DENND4C: variants seen among roughly 807,000 people sequenced by gnomAD.
The protein encoded by DENND4C is DENN domain containing 4C.
Under a neutral mutation model 203.0 loss-of-function variants are expected in DENND4C, and 108 were observed. The ratio of observed to expected loss-of-function variants is 0.53; its 90% confidence interval spans 0.46 to 0.62. The LOEUF is 0.62. Among genes scored for constraint, DENND4C ranks in the 20% least tolerant of loss-of-function variants. The probability of loss-of-function intolerance (pLI) is 0.00; values close to 1 mark genes in which losing one functional copy is unlikely to be tolerated. For missense variants in DENND4C, 2,481 were observed against 2,301.2 expected, an observed-to-expected ratio of 1.08 and a Z score of -1.60; for synonymous variants, 871 against 792.4, an observed-to-expected ratio of 1.10 and a Z score of -1.67.
At chr9:19,364,520 C>G (rs903228212) in intron 30 of DENND4C, among the ~76,000 whole-genome samples, 1 of 152,132 alleles carries the variant, frequency 6.6e-6, no homozygotes, top group Non-Finnish European at 1.5e-5. Flanking sequence ...CTATCTAGCA[C>G]CCTGCTCATA....
intron 1 of DENND4C, among the ~76,000 whole-genome samples, chr9:19,255,595 C>T (rs1827735683): frequency 6.6e-6 from 1 of 151,906 alleles, no homozygotes; most frequent in Admixed American, 6.6e-5. Flanking sequence ...TTCATACAGA[C>T]TGGTTTTTAT....
rs560274050 is a variant in DENND4C, at chr9:19,290,125, T to TA, written c.629-577dup. Reference sequence around the variant, plus strand: ...GGCTAATGAACAGATGCCATGTAGCTAATTTATTCTGTGGGTCTTCATTGT... The same window carrying TA: ...GGCTAATGAACAGATGCCATGTAGCTAAATTTATTCTGTGGGTCTTCATTGT... On this transcript the variant is annotated intron_variant, in intron 4 of 32. Transcript: ENST00000434457. Among the ~76,000 whole-genome samples the TA allele has an allele frequency of 3.1e-3, 468 of 152,328 alleles. 2 individuals are homozygous for TA. Among genetic ancestry groups the TA allele is most frequent in the African/African-American group, 0.01 (426 of 41,572 alleles).
intron 16 of DENND4C, 66 bp from the exon 17 acceptor site, chr9:19,331,912 C>T (rs1486432225): frequency 4.2e-6 from 6 of 1,423,700 alleles, no homozygotes; most frequent in East Asian, 2.5e-5. Flanking sequence ...CTCCCTTTTC[C>T]TTCTCACTTC....
At chr9:19,363,897 C>T (rs1827053601) in intron 30 of DENND4C, among the ~76,000 whole-genome samples, 4 of 151,956 alleles carry the variant, frequency 2.6e-5, no homozygotes, top group Admixed American at 2.6e-4. Flanking sequence ...GCCTGTAATC[C>T]CAGCTACTCA....
chr9:19,341,749 G>A (rs1821706337), intron 21 of DENND4C, among the ~76,000 whole-genome samples: 1 of 152,170 alleles, frequency 6.6e-6, no homozygotes, highest in Non-Finnish European at 1.5e-5. Flanking sequence ...TTCTATTTTA[G>A]TGCCCTTTTT....
In DENND4C at chr9:19,328,135, A is replaced by G. The variant is rs759502973; in HGVS notation, c.2226A>G (p.Pro742=). 1.2e-6 allele frequency: 2 copies of G among 1,613,034 alleles called. No individual in the cohort carries two copies. The highest frequency in any genetic ancestry group is 2.2e-5 in the South Asian group (2 of 90,878). ...HPTGNSITKS[P]PLMAKRTKQE... ...CTGGGAATAGCATTACAAAGAGTCC[A>G]CCTCTCATGGCTAAGAGAACTAAAC... The change falls in exon 16 of 33, where the codon CCA becomes CCG. Residue 742 remains proline (P), a synonymous_variant. Coordinates refer to ENST00000434457, the MANE Select transcript of DENND4C (RefSeq NM_001330640.2).
chr9:19,279,808 C>T (rs1049897905), intron 2 of DENND4C, among the ~76,000 whole-genome samples: 4 of 151,922 alleles, frequency 2.6e-5, no homozygotes, highest in African/African-American at 9.7e-5. Context: ...AGCACTCCAG[C>T]GTGGGCAACA....
intron 1 of DENND4C, among the ~76,000 whole-genome samples, chr9:19,270,039 G>A (rs1331430646): frequency 6.6e-6 from 1 of 152,136 alleles, no homozygotes; most frequent in Non-Finnish European, 1.5e-5. Flanking sequence ...GGCCTTAGTG[G>A]TCTTGGGTAA....
intron 1 of DENND4C, among the ~76,000 whole-genome samples, chr9:19,273,267 G>T (rs1017403460): frequency 6.6e-6 from 1 of 151,690 alleles, no homozygotes; most frequent in Admixed American, 6.6e-5. Flanking sequence ...GTATTTTTTA[G>T]TAGAGATGGG....
chr9:19,305,114 A>G (rs1239022991), intron 9 of DENND4C, among the ~76,000 whole-genome samples: 1 of 152,100 alleles, frequency 6.6e-6, no homozygotes, highest in Non-Finnish European at 1.5e-5. Context: ...AACATGCAAA[A>G]AGCTGTTAGT....
At chr9:19,247,503 C>G (rs1825585218) in intron 1 of DENND4C, among the ~76,000 whole-genome samples, 2 of 152,132 alleles carry the variant, frequency 1.3e-5, no homozygotes, top group Admixed American at 6.5e-5. Context: ...TCAAGTAATC[C>G]TCCTGCCTCA....
chr9:19,334,583 T>C (rs1588942902), intron 17 of DENND4C, among the ~76,000 whole-genome samples: 1 of 150,668 alleles, frequency 6.6e-6, no homozygotes, highest in East Asian at 2.0e-4. Flanking sequence ...TGGAGTGCAG[T>C]GGCGTGATCT....
chr9:19,256,349 G>A (rs1379978514), intron 1 of DENND4C, among the ~76,000 whole-genome samples: 1 of 94,814 alleles, frequency 1.1e-5, no homozygotes, highest in African/African-American at 4.3e-5. Flanking sequence ...CGCTCTTGTT[G>A]CCCAGGCTGG....
chr9:19,234,266 T>C (rs907104974), intron 1 of DENND4C, among the ~76,000 whole-genome samples: 2 of 152,046 alleles, frequency 1.3e-5, no homozygotes, highest in African/African-American at 4.8e-5. Flanking sequence ...AGTCTCGCTC[T>C]GTTGCCCAAG....
intron 1 of DENND4C, among the ~76,000 whole-genome samples, chr9:19,271,384 A>G (rs558547543): frequency 3.3e-5 from 5 of 152,074 alleles, no homozygotes; most frequent in African/African-American, 1.2e-4. Flanking sequence ...TATTTTTAGT[A>G]AAGACTGGGT....
At chr9:19,263,564 G>A (rs1829856389) in intron 1 of DENND4C, among the ~76,000 whole-genome samples, 1 of 151,762 alleles carries the variant, frequency 6.6e-6, no homozygotes, top group Admixed American at 6.6e-5. Flanking sequence ...TCACCCTGTT[G>A]GCCAAGCTGG....
chr9:19,340,872 T>C (rs1316467049), intron 20 of DENND4C, 120 bp from the exon 21 acceptor site: 3 of 851,964 alleles, frequency 3.5e-6, no homozygotes, highest in Admixed American at 3.9e-5. Flanking sequence ...TTGTGTGCTT[T>C]CTTGTCTTCC....
intron 2 of DENND4C, among the ~76,000 whole-genome samples, chr9:19,281,026 C>T (rs986922538): frequency 2.0e-5 from 3 of 152,280 alleles, no homozygotes; most frequent in African/African-American, 7.2e-5. Context: ...CAGGAGTGAG[C>T]CACTGTGCCG....
intron 1 of DENND4C, among the ~76,000 whole-genome samples, chr9:19,238,740 G>A (rs1248942241): frequency 2.2e-5 from 3 of 137,866 alleles, no homozygotes; most frequent in South Asian, 2.6e-4. Flanking sequence ...TGCAACCCCC[G>A]TACCCCGGGT....
Sources: allele counts gnomAD v4.1 joint callset (sites outside exome capture counted in the v4.1 genomes callset), GRCh38; gene constraint gnomAD v4.1.1; transcripts MANE v1.5; gene names NCBI Gene and HGNC (gene_info 2026-07-23, HGNC 2026-07-21).